Variants in GRK5 observed in about 807,000 individuals in gnomAD.
The protein encoded by GRK5 is g protein-coupled receptor kinase GRK5.
Under a neutral mutation model 78.4 loss-of-function variants are expected in GRK5, and 40 were observed. That is an observed-to-expected ratio of 0.51 (90% confidence interval 0.40 to 0.66). GRK5 has a LOEUF of 0.66. GRK5 is among the 30% of genes least tolerant of loss of function. GRK5 has a pLI of 0.00. For synonymous variants in GRK5, 289 were observed against 296.8 expected (o/e 0.97, Z 0.27); for missense variants, 598 against 759.9 (o/e 0.79, Z 2.50).
At chr10:119,259,327 G>A (rs1281345792) in intron 1 of GRK5, among the ~76,000 whole-genome samples, 4 of 151,950 alleles carry the variant, frequency 2.6e-5, no homozygotes, top group Non-Finnish European at 5.9e-5. Context: ...GCCTCCCAAA[G>A]TGCTGGGATT....
intron 1 of GRK5, among the ~76,000 whole-genome samples, chr10:119,317,229 C>T (rs915857370): frequency 2.0e-5 from 3 of 152,142 alleles, no homozygotes; most frequent in Non-Finnish European, 4.4e-5. Flanking sequence ...CCAGAAAGCA[C>T]GGCAGGTCCA....
intron 1 of GRK5, among the ~76,000 whole-genome samples, chr10:119,324,087 C>T (rs955007105): frequency 9.9e-5 from 15 of 152,234 alleles, no homozygotes; most frequent in Admixed American, 2.0e-4. Context: ...CTCCTGCTCC[C>T]GTCATGGCTG....
chr10:119,292,609 G>A (rs983129665), intron 1 of GRK5, among the ~76,000 whole-genome samples: 1 of 152,224 alleles, frequency 6.6e-6, no homozygotes, highest in Non-Finnish European at 1.5e-5. Flanking sequence ...TCCAATCATA[G>A]TTTTTCCTAG....
intron 1 of GRK5, among the ~76,000 whole-genome samples, chr10:119,239,631 A>C (rs900716974): frequency 2.4e-4 from 36 of 152,126 alleles, no homozygotes; most frequent in Admixed American, 2.0e-3. Context: ...TGCTGCATCC[A>C]TCAACCCATC....
Position 119,459,309 on chromosome 10 carries a change from G to T in GRK5, c.*4242G>T, listed in dbSNP as rs1253118725. The T allele has an allele frequency of 6.6e-6, 1 of 152,216 alleles. No individual in the cohort carries two copies. Among genetic ancestry groups the T allele is most frequent in the Non-Finnish European group, 1.5e-5 (1 of 68,044 alleles). The allele number at this position is 152,216 out of a possible 1,614,324, so 9.4% of individuals were successfully genotyped here. A position where few individuals can be genotyped will look rare whatever the true frequency, so the allele number is the denominator to read the frequency against. ...AAGTCAGACCCTGCACAGGCCGGGGGTGTCTCACCTGGCCTAAACGTAAAG... is the reference window on the plus strand; with the variant it reads ...AAGTCAGACCCTGCACAGGCCGGGGTTGTCTCACCTGGCCTAAACGTAAAG... On this transcript the variant is annotated 3_prime_UTR_variant, in exon 16 of 16. Coordinates refer to ENST00000392870, the MANE Select transcript of GRK5 (RefSeq NM_005308.3).
At chr10:119,335,799 T>C (rs1850876718) in intron 2 of GRK5, 1 of 152,262 alleles carries the variant, frequency 6.6e-6, no homozygotes, top group African/African-American at 2.4e-5. Context: ...GAAGGATCTC[T>C]GTCACTGTCA....
Position 119,431,237 on chromosome 10 carries a change from C to G in GRK5, c.598-150C>G, listed in dbSNP as rs1050701366. The G allele has an allele frequency of 2.4e-6, 2 of 839,960 alleles. No individual in the cohort carries two copies. The highest frequency in any genetic ancestry group is 6.1e-5 in the Admixed American group (2 of 32,862). 52.0% of individuals were successfully genotyped at this position (839,960 alleles called of 1,614,324 possible). On this transcript the variant is annotated intron_variant, in intron 7 of 15. Transcript: ENST00000392870. The surrounding 1 kb of genome is among the most constrained non-coding windows in gnomAD (Gnocchi z 4.8). ...GCCCCAGGCCAGGCATCACTGGGTCCTGGGAGCCTGGAGCACTCATGAAGC... is the reference window on the plus strand; with the variant it reads ...GCCCCAGGCCAGGCATCACTGGGTCGTGGGAGCCTGGAGCACTCATGAAGC...
intron 4 of GRK5, among the ~76,000 whole-genome samples, chr10:119,410,792 C>T (rs894570152): frequency 6.6e-6 from 1 of 151,434 alleles, no homozygotes; most frequent in Admixed American, 6.6e-5. Flanking sequence ...ATAGAAGGGT[C>T]CTCCCTATTG....
intron 1 of GRK5, among the ~76,000 whole-genome samples, chr10:119,241,760 G>T (rs578231441): frequency 6.6e-6 from 1 of 152,106 alleles, no homozygotes; most frequent in African/African-American, 2.4e-5. Context: ...GTTTTCCTCC[G>T]CCCTCTTAGG....
intron 1 of GRK5, among the ~76,000 whole-genome samples, chr10:119,216,292 A>G (rs1848573398): frequency 6.6e-6 from 1 of 152,224 alleles, no homozygotes; most frequent in Admixed American, 6.5e-5. Context: ...TAATGATGAA[A>G]TGAACCCCAA....
At chr10:119,218,001 C>G (rs978725132) in intron 1 of GRK5, among the ~76,000 whole-genome samples, 1 of 152,142 alleles carries the variant, frequency 6.6e-6, no homozygotes, top group South Asian at 2.1e-4. Flanking sequence ...CAGAAAAGCT[C>G]TCTCCGGATG....
chr10:119,415,935 C>T (rs1365559025), intron 4 of GRK5, among the ~76,000 whole-genome samples: 1 of 152,154 alleles, frequency 6.6e-6, no homozygotes, highest in Non-Finnish European at 1.5e-5. Context: ...CCTCTGATCT[C>T]CACCTCCTCC....
intron 2 of GRK5, among the ~76,000 whole-genome samples, chr10:119,340,961 G>T (rs776495635): frequency 2.0e-5 from 3 of 152,088 alleles, no homozygotes; most frequent in African/African-American, 2.4e-5. Flanking sequence ...ACCCTTTCTC[G>T]TAAAGCTGTT....
intron 6 of GRK5, among the ~76,000 whole-genome samples, chr10:119,428,521 G>C (rs1481527844): frequency 6.6e-6 from 1 of 152,190 alleles, no homozygotes; most frequent in African/African-American, 2.4e-5. Flanking sequence ...TTCCTCAGAG[G>C]AGTTGGAGCA....
rs1200758880 is a variant in GRK5, at chr10:119,445,832, G to A, written c.1266+2080G>A. ...GGTGGCTCCAGCCCTGCCTGCCTAA[G>A]AGGGTCCCTCCACAATCAGTGAGGA... On this transcript the variant is annotated intron_variant, in intron 12 of 15. Transcript: ENST00000392870. This position sits in a 1 kb window ranked among gnomAD's most constrained non-coding sequence, Gnocchi z 4.1. Among the ~76,000 whole-genome samples, 1 of 152,140 alleles carries A rather than the reference G, an allele frequency of 6.6e-6. No homozygotes were observed. Among genetic ancestry groups the A allele is most frequent in the South Asian group, 2.1e-4 (1 of 4,826 alleles).
Position 119,431,381 on chromosome 10 carries a change from C to T in GRK5, c.598-6C>T. ...CTGCCACCCTGGTTTCTTTCTTGCA[C>T]TGCAGGTCTGTGCCTGCCAGGTTCG... On this transcript the variant is annotated splice_polypyrimidine_tract_variant and splice_region_variant and intron_variant, in intron 7 of 15. Coordinates refer to ENST00000392870, the MANE Select transcript of GRK5 (RefSeq NM_005308.3). This position sits in a 1 kb window ranked among gnomAD's most constrained non-coding sequence, Gnocchi z 4.8. The T allele has an allele frequency of 6.2e-7, 1 of 1,611,904 alleles. No individual in the cohort carries two copies. The highest frequency in any genetic ancestry group is 1.7e-5 in the Admixed American group (1 of 59,850).
At chr10:119,454,939 C>G (rs1447823399) in intron 15 of GRK5, 30 bp from the exon 16 acceptor site, 9 of 1,452,190 alleles carry the variant, frequency 6.2e-6, no homozygotes, top group Non-Finnish European at 7.7e-6. Flanking sequence ...TCTGTTCTCT[C>G]CACCCCGTCT....
chr10:119,431,619 G>T lies in GRK5; in HGVS notation c.738+92G>T. ...AAGGGCGTGGTCCTCTAATGCGGCC[G>T]GTCCCCACCCCTGGGAAGGGGAATG... is the stretch of plus-strand genomic sequence containing the variant. On this transcript the variant is annotated intron_variant, in intron 8 of 15. Coordinates refer to ENST00000392870, the MANE Select transcript of GRK5 (RefSeq NM_005308.3). The surrounding 1 kb of genome is among the most constrained non-coding windows in gnomAD (Gnocchi z 4.8). 1.4e-6 allele frequency: 2 copies of T among 1,447,084 alleles called. No homozygotes were observed. The highest frequency in any genetic ancestry group is 1.9e-6 in the Non-Finnish European group (2 of 1,074,190). 89.6% of individuals were successfully genotyped at this position (1,447,084 alleles called of 1,614,324 possible).
intron 1 of GRK5, among the ~76,000 whole-genome samples, chr10:119,291,785 CCTCCTT>C (rs1466740639): frequency 2.7e-5 from 4 of 150,184 alleles, no homozygotes; most frequent in African/African-American, 9.9e-5. Context: ...TCCTCATCCT[CCTCCTT>C]CTTCTCTTCC....
Sources: allele counts gnomAD v4.1 joint callset (sites outside exome capture counted in the v4.1 genomes callset), GRCh38; gene constraint gnomAD v4.1.1; non-coding constraint Gnocchi (gnomAD v3.1); transcripts MANE v1.5; gene names NCBI Gene and HGNC (gene_info 2026-07-23, HGNC 2026-07-21).